Variants in GAREM1 observed in about 807,000 individuals in gnomAD.
GAREM1 encodes the protein GRB2 associated regulator of MAPK1 subtype 1, also known as GRB2-associated and regulator of MAPK protein 1.
Under a neutral mutation model 71.3 loss-of-function variants are expected in GAREM1, and 26 were observed. That is an observed-to-expected ratio of 0.36 (90% confidence interval 0.27 to 0.51). The LOEUF (loss-of-function observed/expected upper bound fraction) is 0.51, where lower values mean the gene tolerates loss of function less well. Ranked by LOEUF, GAREM1 falls within the 20% of genes least tolerant of loss-of-function variation. The pLI, the probability that GAREM1 is intolerant of heterozygous loss-of-function variation, is 0.95. For synonymous variants in GAREM1, 440 were observed against 433.2 expected (o/e 1.02, Z -0.20); for missense variants, 1,026 against 1,103.1 (o/e 0.93, Z 0.99).
intron 4 of GAREM1, among the ~76,000 whole-genome samples, chr18:32,274,049 C>T (rs1041590005): frequency 3.9e-5 from 6 of 152,206 alleles, no homozygotes; most frequent in African/African-American, 1.2e-4. Context: ...GGGCAGCCCA[C>T]GGCAGGTGGG....
intron 1 of GAREM1, among the ~76,000 whole-genome samples, chr18:32,398,399 A>C (rs1312611391): frequency 6.6e-6 from 1 of 152,232 alleles, no homozygotes; most frequent in African/African-American, 2.4e-5. Flanking sequence ...GGAAAGATCA[A>C]CAAAATTGAT....
At chr18:32,290,690 A>G (rs999291526) in intron 3 of GAREM1, among the ~76,000 whole-genome samples, 13 of 152,158 alleles carry the variant, frequency 8.5e-5, no homozygotes, top group African/African-American at 2.9e-4. Flanking sequence ...TGAAAAATCA[A>G]TTAACTAACA....
intron 3 of GAREM1, among the ~76,000 whole-genome samples, chr18:32,291,508 T>C (rs539865414): frequency 6.6e-6 from 1 of 152,206 alleles, no homozygotes; most frequent in South Asian, 2.1e-4. Context: ...GAATTTTTTT[T>C]TTATTATAAG....
chr18:32,364,972 A>G (rs2047915899), intron 2 of GAREM1, among the ~76,000 whole-genome samples: 1 of 152,206 alleles, frequency 6.6e-6, no homozygotes, highest in African/African-American at 2.4e-5. Flanking sequence ...CAAAATGAGA[A>G]AGAAACTGAT....
chr18:32,439,252 T>C (rs1353176324), intron 1 of GAREM1, among the ~76,000 whole-genome samples: 1 of 152,170 alleles, frequency 6.6e-6, no homozygotes, highest in Non-Finnish European at 1.5e-5. Flanking sequence ...CAATTTCAGT[T>C]ATTTAACATG....
At chr18:32,278,585 T>C (rs191530611) in intron 4 of GAREM1, among the ~76,000 whole-genome samples, 3 of 152,342 alleles carry the variant, frequency 2.0e-5, no homozygotes, top group Admixed American at 2.0e-4. Context: ...CCATGCTTCC[T>C]TGAACTTTGT....
chr18:32,416,503 T>C (rs756922967), intron 1 of GAREM1, among the ~76,000 whole-genome samples: 5 of 152,110 alleles, frequency 3.3e-5, no homozygotes, highest in Non-Finnish European at 7.4e-5. Context: ...CAAAACAGCA[T>C]GGTACTGGCA....
At position 32,268,734 on chromosome 18, in the gene GAREM1, T is replaced by C. The variant is rs750886656; in HGVS notation, c.1768A>G (p.Ser590Gly). The C allele has an allele frequency of 3.6e-5, 58 of 1,613,930 alleles. No individual in the cohort carries two copies. Among genetic ancestry groups the C allele is most frequent in the Non-Finnish European group, 4.7e-5 (56 of 1,179,930 alleles). ...VTKTDTNPSE[S>G]TPVSCYPCNR... is the part of the protein sequence containing the mutation. ...CATGGATAGCAGGAAACAGGAGTGC[T>C]TTCAGAAGGATTTGTGTCAGTTTTA... Residue 590 changes from serine to glycine, a missense_variant, in exon 6 of 6, where the codon AGC becomes GGC. Transcript: ENST00000269209.
At chr18:32,384,043 CTTATT>C (rs780708676) in intron 2 of GAREM1, among the ~76,000 whole-genome samples, 5 of 152,102 alleles carry the variant, frequency 3.3e-5, no homozygotes, top group African/African-American at 7.2e-5. Flanking sequence ...TCATAAAGCT[CTTATT>C]TTAAGAAAAT....
At chr18:32,401,956 C>A (rs2048319709) in intron 1 of GAREM1, among the ~76,000 whole-genome samples, 1 of 152,052 alleles carries the variant, frequency 6.6e-6, no homozygotes, top group Non-Finnish European at 1.5e-5. Flanking sequence ...TAGTAAGAAA[C>A]CAATGCTTAT....
intron 2 of GAREM1, among the ~76,000 whole-genome samples, chr18:32,332,552 G>T (rs1383085064): frequency 4.6e-5 from 7 of 152,126 alleles, no homozygotes; most frequent in African/African-American, 1.7e-4. Context: ...TGTAAGTGCA[G>T]CGTGGCAGCT....
chr18:32,331,677 A>T (rs1344829198), intron 2 of GAREM1: 1 of 152,182 alleles, frequency 6.6e-6, no homozygotes, highest in Non-Finnish European at 1.5e-5. Context: ...ATCTATAACA[A>T]GTTCCCAGGT....
intron 1 of GAREM1, among the ~76,000 whole-genome samples, chr18:32,423,824 T>C (rs955724408): frequency 3.3e-5 from 5 of 152,204 alleles, no homozygotes; most frequent in African/African-American, 9.6e-5. Context: ...GACCTGACTA[T>C]AGAGTATAGA....
intron 2 of GAREM1, among the ~76,000 whole-genome samples, chr18:32,380,426 A>G (rs2048083762): frequency 6.6e-6 from 1 of 150,594 alleles, no homozygotes; most frequent in Non-Finnish European, 1.5e-5. Flanking sequence ...CAGACAGCCA[A>G]AATTGCACCA....
chr18:32,310,114 CACTT>C (rs1372831736), intron 3 of GAREM1, 75 bp downstream of exon 3: 103 of 1,501,674 alleles, frequency 6.9e-5, no homozygotes, highest in Non-Finnish European at 9.1e-5. Context: ...CACAGATGAA[CACTT>C]ACTGTGTACA....
At chr18:32,449,791 G>T (rs1358930322) in intron 1 of GAREM1, among the ~76,000 whole-genome samples, 1 of 152,106 alleles carries the variant, frequency 6.6e-6, no homozygotes, top group African/African-American at 2.4e-5. Flanking sequence ...TCCTTTGCAG[G>T]GAGAATGGTG....
At chr18:32,389,120 G>A (rs2048173418) in intron 2 of GAREM1, among the ~76,000 whole-genome samples, 1 of 152,042 alleles carries the variant, frequency 6.6e-6, no homozygotes. Context: ...ACTAAAAATG[G>A]GTAAAACCGG....
At chr18:32,282,002 C>T (rs2144447600) in intron 4 of GAREM1, among the ~76,000 whole-genome samples, 1 of 152,232 alleles carries the variant, frequency 6.6e-6, no homozygotes, top group Middle Eastern at 3.4e-3. Flanking sequence ...GCTCAAAAAG[C>T]ACCCCCACTG....
At position 32,287,636 on chromosome 18, in the gene GAREM1, T is replaced by C. The variant is rs776293109; in HGVS notation, c.961A>G (p.Thr321Ala). The C allele has an allele frequency of 1.9e-6, 3 of 1,614,078 alleles. No individual in the cohort carries two copies. In the Admixed American group the frequency reaches 5.0e-5, roughly 27 times the overall value. Residue 321 changes from threonine to alanine, a missense_variant, in exon 4 of 6, where the codon ACC becomes GCC. By Grantham distance (58) the Thr-to-Ala change is moderately conservative (BLOSUM62 0). Around this residue, in one of 3 missense-constraint regions of GAREM1, gnomAD observed 218 missense variants for 296.8 expected, o/e 0.73. Coordinates refer to ENST00000269209, the MANE Select transcript of GAREM1 (RefSeq NM_001242409.2). This position sits in a 1 kb window ranked among gnomAD's most constrained non-coding sequence, Gnocchi z 5.9. ...HLVKGESWPE[T>A]LVHHWLGICQ... ...ATACCTAGCCAGTGATGGACCAGGG[T>C]TTCGGGCCAGCTCTCTCCCTTCACC... is the stretch of plus-strand genomic sequence containing the variant.
Sources: allele counts gnomAD v4.1 joint callset (sites outside exome capture counted in the v4.1 genomes callset), GRCh38; gene constraint gnomAD v4.1.1; regional missense constraint gnomAD v4.1.1; non-coding constraint Gnocchi (gnomAD v3.1); transcripts MANE v1.5; gene names NCBI Gene and HGNC (gene_info 2026-07-23, HGNC 2026-07-21).